Variants in ZFHX3 observed in about 807,000 individuals in gnomAD.
ZFHX3 encodes zinc finger homeobox 3, also known as zinc finger homeobox protein 3.
A neutral mutation model predicts 279.1 loss-of-function variants in ZFHX3; 42 were observed. The ratio of observed to expected loss-of-function variants is 0.15; its 90% CI spans 0.12 to 0.19. ZFHX3 has a LOEUF of 0.19. Ranked by LOEUF, ZFHX3 falls within the 10% of genes least tolerant of loss-of-function variation. The pLI is 1.00. For missense variants in ZFHX3, 4,981 were observed against 4,754.0 expected, an observed-to-expected ratio of 1.05 and a Z score of -1.40; for synonymous variants, 2,293 against 1,957.8, an observed-to-expected ratio of 1.17 and a Z score of -4.52.
intron 2 of ZFHX3, among the ~76,000 whole-genome samples, chr16:73,644,430 G>A (rs757647371): frequency 4.6e-5 from 7 of 151,904 alleles, no homozygotes; most frequent in Non-Finnish European, 1.0e-4. Context: ...GAGGCAGAGG[G>A]GGGCAGATTA....
intron 7 of ZFHX3, among the ~76,000 whole-genome samples, chr16:73,106,441 T>C (rs1966305919): frequency 6.6e-6 from 1 of 151,952 alleles, no homozygotes; most frequent in Non-Finnish European, 1.5e-5. Flanking sequence ...ATGTACAAAC[T>C]CTCCCTCTCT....
intron 7 of ZFHX3, among the ~76,000 whole-genome samples, chr16:73,107,259 A>C (rs1249784249): frequency 6.6e-6 from 1 of 152,116 alleles, no homozygotes; most frequent in Non-Finnish European, 1.5e-5. Context: ...GCAGTGTGCC[A>C]AGATCATGCC....
intron 1 of ZFHX3, among the ~76,000 whole-genome samples, chr16:73,846,466 T>A (rs1961450315): frequency 6.6e-6 from 1 of 152,226 alleles, no homozygotes; most frequent in Admixed American, 6.5e-5. Context: ...TATCAAGCTG[T>A]GACTCTGTTT....
chr16:73,115,891 G>A (rs976747356), intron 7 of ZFHX3, among the ~76,000 whole-genome samples: 6 of 152,110 alleles, frequency 3.9e-5, no homozygotes, highest in South Asian at 2.1e-4. Context: ...GGCCAAGGAG[G>A]ATGGATCATC....
chr16:73,231,506 C>T (rs966707883), intron 5 of ZFHX3, among the ~76,000 whole-genome samples: 2 of 152,168 alleles, frequency 1.3e-5, no homozygotes, highest in Non-Finnish European at 2.9e-5. Flanking sequence ...CTCACTCTTT[C>T]TACATTTTGG....
chr16:73,458,722 T>C (rs911078016), intron 2 of ZFHX3, among the ~76,000 whole-genome samples: 1 of 152,176 alleles, frequency 6.6e-6, no homozygotes. Flanking sequence ...CTTTATCGCA[T>C]TTTCTTATGC....
At chr16:73,427,609 A>G (rs1272090837) in intron 3 of ZFHX3, among the ~76,000 whole-genome samples, 3 of 152,146 alleles carry the variant, frequency 2.0e-5, no homozygotes, top group Non-Finnish European at 4.4e-5. Context: ...ATCCAGCCCT[A>G]CCAGCAGCAA....
intron 1 of ZFHX3, among the ~76,000 whole-genome samples, chr16:73,055,690 G>C (rs1432133522): frequency 2.2e-5 from 2 of 91,160 alleles, no homozygotes; most frequent in Non-Finnish European, 4.8e-5. Context: ...GCGCGCGCGC[G>C]CGCGCGCGCA....
intron 3 of ZFHX3, among the ~76,000 whole-genome samples, chr16:72,893,777 C>A (rs1476358668): frequency 1.3e-5 from 2 of 152,104 alleles, no homozygotes; most frequent in Non-Finnish European, 2.9e-5. Context: ...AGGGTTCTCT[C>A]CTAGAAAATT....
At chr16:73,403,065 T>C (rs1037443617) in intron 3 of ZFHX3, among the ~76,000 whole-genome samples, 4 of 151,714 alleles carry the variant, frequency 2.6e-5, no homozygotes, top group African/African-American at 4.8e-5. Flanking sequence ...TGTACACGTG[T>C]GCATGTGTGT....
chr16:73,670,306 G>A (rs2052891265), intron 2 of ZFHX3, among the ~76,000 whole-genome samples: 1 of 152,182 alleles, frequency 6.6e-6, no homozygotes, highest in Non-Finnish European at 1.5e-5. Context: ...AATGATGCAA[G>A]AGAGAGGCCA....
chr16:73,309,204 G>GT (rs1411674021), intron 4 of ZFHX3, among the ~76,000 whole-genome samples: 1 of 152,078 alleles, frequency 6.6e-6, no homozygotes, highest in Admixed American at 6.6e-5. Flanking sequence ...CCCCATAGTT[G>GT]TTTTTTTGGA....
At position 72,784,235 on chromosome 16, in the gene ZFHX3, T is replaced by C. The variant is rs1268245862; in HGVS notation, c.*2929A>G. 1 of 149,090 alleles carries C rather than the reference T, an allele frequency of 6.7e-6. No individual in the cohort carries two copies. The highest frequency in any genetic ancestry group is 1.5e-5 in the Non-Finnish European group (1 of 67,714). 9.2% of individuals were successfully genotyped at this position (149,090 alleles called of 1,614,324 possible). ...GTCACTCTGCCTCACAGAGGGAGGATGGCATAGTAGCTCCATGAAAAAAAA... is the reference window on the plus strand; with the variant it reads ...GTCACTCTGCCTCACAGAGGGAGGACGGCATAGTAGCTCCATGAAAAAAAA... On this transcript the variant is annotated 3_prime_UTR_variant, in exon 10 of 10. Coordinates refer to ENST00000268489, the MANE Select transcript of ZFHX3 (RefSeq NM_006885.4).
intron 7 of ZFHX3, among the ~76,000 whole-genome samples, chr16:72,808,798 C>T (rs1203190009): frequency 1.3e-5 from 2 of 152,226 alleles, no homozygotes; most frequent in Non-Finnish European, 2.9e-5. Flanking sequence ...TGGACATATC[C>T]TTATGCTCCC....
chr16:73,588,094 T>TA (rs11373817), intron 2 of ZFHX3, among the ~76,000 whole-genome samples: 12,349 of 152,088 alleles, frequency 0.081, 1,700 homozygotes, highest in African/African-American at 0.28. Context: ...ATCAACAACG[T>TA]AAGGTAACTA....
intron 3 of ZFHX3, among the ~76,000 whole-genome samples, chr16:73,335,117 G>A (rs187474557): frequency 5.3e-5 from 8 of 152,084 alleles, no homozygotes; most frequent in Non-Finnish European, 8.8e-5. Context: ...TACATAAAGA[G>A]TTTCATTCTC....
chr16:73,040,298 G>A (rs1442777372), intron 1 of ZFHX3, among the ~76,000 whole-genome samples: 3 of 152,130 alleles, frequency 2.0e-5, no homozygotes, highest in African/African-American at 7.2e-5. Flanking sequence ...GACAGGAAGA[G>A]CGTGGTGCTG....
chr16:73,278,219 T>G (rs2014353130), intron 4 of ZFHX3, among the ~76,000 whole-genome samples: 1 of 152,232 alleles, frequency 6.6e-6, no homozygotes, highest in Non-Finnish European at 1.5e-5. Context: ...TATACTGATA[T>G]TCTCCTAAGT....
At chr16:73,394,216 C>A (rs113980827) in intron 3 of ZFHX3, among the ~76,000 whole-genome samples, 1,838 of 148,438 alleles carry the variant, frequency 0.012, 37 homozygotes, top group African/African-American at 0.043. Context: ...AAGAGCGTTT[C>A]CAGAAGTGTA....
Sources: gnomAD v4.1 joint callset for allele counts (sites outside exome capture counted in the v4.1 genomes callset) on GRCh38, gnomAD v4.1.1 for gene constraint, MANE v1.5 for transcripts, NCBI Gene and HGNC (gene_info 2026-07-23, HGNC 2026-07-21) for gene names.